The following RAPGEF5 variants were observed in gnomAD, a reference collection of about 807,000 sequenced individuals.
RAPGEF5 encodes Rap guanine nucleotide exchange factor 5, also known as M-Ras-regulated GEF.
A neutral mutation model predicts 125.2 loss-of-function variants in RAPGEF5; 65 were observed. The ratio of observed to expected loss-of-function variants is 0.52; its 90% CI spans 0.43 to 0.64. RAPGEF5 has a LOEUF of 0.64. Among genes scored for constraint, RAPGEF5 ranks in the 30% least tolerant of loss-of-function variants. The probability of loss-of-function intolerance (pLI) is 0.00; values close to 1 mark genes in which losing one functional copy is unlikely to be tolerated. For missense variants in RAPGEF5, 958 were observed against 1,048.1 expected, an observed-to-expected ratio of 0.91 and a Z score of 1.19; for synonymous variants, 391 against 385.9, an observed-to-expected ratio of 1.01 and a Z score of -0.16.
chr7:22,322,793 T>A (rs189690221), intron 1 of RAPGEF5, among the ~76,000 whole-genome samples: 1 of 152,170 alleles, frequency 6.6e-6, no homozygotes, highest in African/African-American at 2.4e-5. Flanking sequence ...ACATACTGAA[T>A]TAGAATCTCT....
At chr7:22,233,110 A>T (rs1786099607) in intron 7 of RAPGEF5, among the ~76,000 whole-genome samples, 1 of 152,226 alleles carries the variant, frequency 6.6e-6, no homozygotes, top group African/African-American at 2.4e-5. Context: ...AACTAGAGGC[A>T]AGACTATAAA....
intron 11 of RAPGEF5, chr7:22,192,177 T>C (rs1398306611): frequency 6.5e-6 from 1 of 152,990 alleles, no homozygotes; most frequent in Non-Finnish European, 1.5e-5. Context: ...GCCAAGAGAA[T>C]ATGTTTTTCT....
chr7:22,163,131 ATGAAAATTATT>A (rs1357331758), intron 12 of RAPGEF5, among the ~76,000 whole-genome samples: 1 of 2,318 alleles, frequency 4.3e-4, no homozygotes, highest in East Asian at 0.02. Flanking sequence ...TTAAAATAAA[ATGAAAATTATT>A]TCATTTTAAA....
intron 1 of RAPGEF5, among the ~76,000 whole-genome samples, chr7:22,342,604 C>A (rs12668119): frequency 0.26 from 39,776 of 152,092 alleles, 5,302 homozygotes; most frequent in Admixed American, 0.29. Flanking sequence ...TTTAACACCA[C>A]CCAAGTCACC....
chr7:22,249,388 TTA>T lies in RAPGEF5; in HGVS notation c.796+17574_796+17575del, dbSNP rs199807379. 4.9e-3 allele frequency among the ~76,000 whole-genome samples: 744 copies of T among 152,064 alleles called. 6 individuals carry two copies. Among genetic ancestry groups the T allele is most frequent in the African/African-American group, 0.017 (707 of 41,478 alleles). ...TTTTTTTGGTAGAGGTGGGGCTTCA[TTA>T]TGTTGGCCAGGCTGGTCTCAAACCC... On this transcript the variant is annotated intron_variant, in intron 7 of 25. Coordinates refer to ENST00000665637, the MANE Select transcript of RAPGEF5 (RefSeq NM_012294.5).
chr7:22,178,194 A>T lies in RAPGEF5; in HGVS notation c.1205-11046T>A, dbSNP rs113451123. 2.8e-4 allele frequency among the ~76,000 whole-genome samples: 42 copies of T among 152,324 alleles called. 3 individuals are homozygous for T. The highest frequency in any genetic ancestry group is 9.9e-4 in the African/African-American group (41 of 41,580). On this transcript the variant is annotated intron_variant, in intron 11 of 25. Transcript: ENST00000665637. ...CCAGTTACACATATTTATATTTTTT[A>T]AAATTGAAATGTAAAGGTAAAAACT...
At chr7:22,331,555 C>T (rs1207057909) in intron 1 of RAPGEF5, among the ~76,000 whole-genome samples, 2 of 152,010 alleles carry the variant, frequency 1.3e-5, no homozygotes, top group Non-Finnish European at 2.9e-5. Context: ...ACCATCCTGG[C>T]TAACATGCTG....
chr7:22,154,151 C>A (rs919664449), intron 17 of RAPGEF5, among the ~76,000 whole-genome samples: 2 of 152,004 alleles, frequency 1.3e-5, no homozygotes, highest in Admixed American at 1.3e-4. Flanking sequence ...AGCAATTTCC[C>A]AAGTTAATTT....
intron 7 of RAPGEF5, among the ~76,000 whole-genome samples, chr7:22,243,319 C>A (rs939761457): frequency 3.3e-5 from 5 of 152,068 alleles, no homozygotes; most frequent in Non-Finnish European, 7.4e-5. Flanking sequence ...TACAGTGGTG[C>A]GATCTCAGCT....
intron 7 of RAPGEF5, among the ~76,000 whole-genome samples, chr7:22,262,218 AC>A (rs1386082968): frequency 4.6e-5 from 7 of 152,092 alleles, no homozygotes; most frequent in Non-Finnish European, 1.0e-4. Flanking sequence ...ACTATAAAAA[AC>A]AAAAAAAAAG....
chr7:22,187,818 G>T (rs1234952702), intron 11 of RAPGEF5, among the ~76,000 whole-genome samples: 1 of 152,204 alleles, frequency 6.6e-6, no homozygotes, highest in South Asian at 2.1e-4. Context: ...TAGAAACCTA[G>T]AATTGGTCTT....
intron 11 of RAPGEF5, among the ~76,000 whole-genome samples, chr7:22,169,919 A>T (rs1015415351): frequency 7.1e-6 from 1 of 140,096 alleles, no homozygotes; most frequent in African/African-American, 2.6e-5. Flanking sequence ...CTGAGGTAGG[A>T]GGATGGCTGG....
At chr7:22,146,389 C>T (rs949719763) in intron 19 of RAPGEF5, among the ~76,000 whole-genome samples, 1 of 152,136 alleles carries the variant, frequency 6.6e-6, no homozygotes, top group Non-Finnish European at 1.5e-5. Flanking sequence ...ATAATCTGTC[C>T]TCAAGTGAAA....
chr7:22,343,580 G>T (rs967378791), intron 1 of RAPGEF5, among the ~76,000 whole-genome samples: 2 of 152,050 alleles, frequency 1.3e-5, no homozygotes, highest in South Asian at 4.1e-4. Flanking sequence ...CAATATAAAA[G>T]AACTAATAAA....
intron 8 of RAPGEF5, among the ~76,000 whole-genome samples, chr7:22,220,653 C>T (rs1294695751): frequency 6.6e-6 from 1 of 150,952 alleles, no homozygotes; most frequent in Non-Finnish European, 1.5e-5. Context: ...TCATATTTTA[C>T]ATTAGGTCAA....
intron 6 of RAPGEF5, among the ~76,000 whole-genome samples, chr7:22,278,477 G>A (rs895448888): frequency 6.6e-6 from 1 of 151,928 alleles, no homozygotes. Context: ...GTAGGTTTAT[G>A]TTTGAAATTC....
At chr7:22,156,378 C>A (rs1251693801) in intron 16 of RAPGEF5, among the ~76,000 whole-genome samples, 1 of 152,190 alleles carries the variant, frequency 6.6e-6, no homozygotes, top group East Asian at 1.9e-4. Context: ...CTTCTCTCCA[C>A]AGGAGTTTCT....
chr7:22,177,345 G>A (rs1313646368), intron 11 of RAPGEF5, among the ~76,000 whole-genome samples: 1 of 152,152 alleles, frequency 6.6e-6, no homozygotes, highest in Non-Finnish European at 1.5e-5. Flanking sequence ...CTATCAAGTT[G>A]TTTTCCATGT....
At chr7:22,237,081 C>A (rs1274882476) in intron 7 of RAPGEF5, among the ~76,000 whole-genome samples, 2 of 152,182 alleles carry the variant, frequency 1.3e-5, no homozygotes, top group Non-Finnish European at 2.9e-5. Context: ...TGAAATTACT[C>A]TTGTCCACCG....
Sources: gnomAD v4.1 joint callset for allele counts (sites outside exome capture counted in the v4.1 genomes callset) on GRCh38, gnomAD v4.1.1 for gene constraint, MANE v1.5 for transcripts, NCBI Gene and HGNC (gene_info 2026-07-23, HGNC 2026-07-21) for gene names.